The following ADAMTS13 variants were observed in gnomAD, a reference collection of about 807,000 sequenced individuals.
ADAMTS13 encodes A disintegrin and metalloproteinase with thrombospondin motifs 13.
A neutral mutation model predicts 155.1 loss-of-function variants in ADAMTS13; 110 were observed. The observed-to-expected ratio is 0.71, with a 90% CI of 0.61 to 0.83. The LOEUF is 0.83. ADAMTS13 is among the 40% of genes least tolerant of loss of function. The pLI is 0.00. For synonymous variants in ADAMTS13, 758 were observed against 756.4 expected (o/e 1.00, Z -0.03); for missense variants, 1,707 against 1,891.7 (o/e 0.90, Z 1.81).
Position 133,456,069 on chromosome 9 carries a change from G to A in ADAMTS13, c.3401G>A (p.Gly1134Asp), listed in dbSNP as rs1412996218. ...TACCTGTCTCCTGCTCCCTTTTCAG[G>A]TGCCTGTGGCAGGCAGCACCTTGAG... ...GCWAGPCVGQ[G>D]ACGRQHLEPT... Residue 1134 changes from glycine (G) to aspartate (D), a missense_variant and splice_region_variant, in exon 26 of 29, where the codon GGT (glycine) becomes GAT (aspartate). Physicochemically the swap from Gly to Asp is moderately conservative, Grantham distance 94. Around this residue, in one of 3 missense-constraint regions of ADAMTS13, gnomAD observed 961 missense variants for 1,107.9 expected, o/e 0.87. Coordinates refer to ENST00000355699, the MANE Select transcript of ADAMTS13 (RefSeq NM_139027.6). This position sits in a 1 kb window ranked among gnomAD's most constrained non-coding sequence, Gnocchi z 4.4. The A allele has an allele frequency of 1.2e-6, 2 of 1,613,294 alleles. No individual in the cohort carries two copies. Among genetic ancestry groups the A allele is most frequent in the Non-Finnish European group, 8.5e-7 (1 of 1,180,042 alleles).
At chr9:133,438,433 C>T (rs1279991860) in intron 14 of ADAMTS13, 67 bp downstream of exon 14, 4 of 1,601,430 alleles carry the variant, frequency 2.5e-6, no homozygotes, top group East Asian at 2.2e-5. Flanking sequence ...CAGCCCAGAG[C>T]GTTGGTGCAG....
In ADAMTS13 at chr9:133,425,729, C is replaced by T. The variant is rs1193934831; in HGVS notation, c.414+117C>T. 6 of 1,400,212 alleles carry T rather than the reference C, an allele frequency of 4.3e-6. No homozygotes were observed. Among genetic ancestry groups the T allele is most frequent in the South Asian group, 1.2e-5 (1 of 81,050 alleles). The allele number at this position is 1,400,212 out of a possible 1,614,324, so 86.7% of individuals were successfully genotyped here. ...CCCAAGCAGCATGGATCACAGAATG[C>T]ATTCAGCCAGACAGACCAGCTGCCC... is the stretch of plus-strand genomic sequence containing the variant. On this transcript the variant is annotated intron_variant, in intron 4 of 28. Coordinates refer to ENST00000355699, the MANE Select transcript of ADAMTS13 (RefSeq NM_139027.6). This position sits in a 1 kb window ranked among gnomAD's most constrained non-coding sequence, Gnocchi z 4.6.
At chr9:133,427,780 G>A (rs1554785630) in intron 6 of ADAMTS13, among the ~76,000 whole-genome samples, 1 of 150,268 alleles carries the variant, frequency 6.7e-6, no homozygotes, top group Non-Finnish European at 1.5e-5. Context: ...CAAAAGAGCA[G>A]CTCAAAGGCA....
intron 23 of ADAMTS13, among the ~76,000 whole-genome samples, chr9:133,453,010 G>A (rs1054978170): frequency 6.6e-6 from 1 of 152,106 alleles, no homozygotes; most frequent in African/African-American, 2.4e-5. Context: ...CCTGAGCGTC[G>A]GTCCAGAACG....
intron 23 of ADAMTS13, among the ~76,000 whole-genome samples, chr9:133,452,124 T>C (rs1842471529): frequency 6.6e-6 from 1 of 151,720 alleles, no homozygotes; most frequent in South Asian, 2.1e-4. Flanking sequence ...CTTCTCCTTT[T>C]TTTTTTTTGA....
intron 27 of ADAMTS13, chr9:133,457,155 C>T: frequency 3.8e-6 from 1 of 264,082 alleles, no homozygotes; most frequent in Non-Finnish European, 7.6e-6. Flanking sequence ...GCAGAGGATG[C>T]CACCTCAGGG....
In ADAMTS13 at chr9:133,452,655, C is replaced by A. The variant is rs142288153; in HGVS notation, c.3045-1760C>A. Reference sequence around the variant, plus strand: ...CCAGGTAGCCCTGTTCTCTACAGACCACCTCTTGGGCCACTGAGCCTCCCC... The same window carrying A: ...CCAGGTAGCCCTGTTCTCTACAGACAACCTCTTGGGCCACTGAGCCTCCCC... On this transcript the variant is annotated intron_variant, in intron 23 of 28. Coordinates refer to ENST00000355699, the MANE Select transcript of ADAMTS13 (RefSeq NM_139027.6). Among the ~76,000 whole-genome samples the A allele has an allele frequency of 2.4e-3, 368 of 152,196 alleles. 3 individuals carry two copies. Among genetic ancestry groups the A allele is most frequent in the African/African-American group, 8.7e-3 (360 of 41,540 alleles).
upstream of ADAMTS13, among the ~76,000 whole-genome samples, chr9:133,418,650 G>A (rs917657374): frequency 1.4e-4 from 21 of 152,210 alleles, no homozygotes; most frequent in Admixed American, 1.4e-3. Context: ...GTGATCGATT[G>A]AGCAAGCAGG....
At chr9:133,429,894 G>A (rs782276854) in intron 7 of ADAMTS13, 45 bp from the exon 8 acceptor site, 100 of 1,534,278 alleles carry the variant, frequency 6.5e-5, no homozygotes, top group Non-Finnish European at 8.6e-5. Context: ...TCCTCCCGGT[G>A]TACACCCCGG....
rs373389172 is a variant in ADAMTS13 at position 133,434,682 on chromosome 9, T to G, written c.1308+978T>G. Among the ~76,000 whole-genome samples the G allele has an allele frequency of 1.3e-3, 195 of 152,334 alleles. 2 individuals carry two copies. Among genetic ancestry groups the G allele is most frequent in the African/African-American group, 4.7e-3 (194 of 41,572 alleles). The stretch of plus-strand genomic sequence containing the variant: ...TTTTAAAGTGGCAACTCAGTGGCCT[T>G]TAGTACACTCACAAGGTTGGGCAAG... On this transcript the variant is annotated intron_variant, in intron 11 of 28. Transcript: ENST00000355699.
Position 133,425,716 on chromosome 9 carries a change from G to C in ADAMTS13, c.414+104G>C, listed in dbSNP as rs1177931625. ...TTGTCCCGGATGCCCCAAGCAGCAT[G>C]GATCACAGAATGCATTCAGCCAGAC... On this transcript the variant is annotated intron_variant, in intron 4 of 28. Coordinates refer to ENST00000355699, the MANE Select transcript of ADAMTS13 (RefSeq NM_139027.6). This position sits in a 1 kb window ranked among gnomAD's most constrained non-coding sequence, Gnocchi z 4.6. 8 of 1,436,672 alleles carry C rather than the reference G, an allele frequency of 5.6e-6. No individual in the cohort carries two copies. The highest frequency in any genetic ancestry group is 7.7e-6 in the Non-Finnish European group (8 of 1,045,114). 89.0% of individuals were successfully genotyped at this position (1,436,672 alleles called of 1,614,324 possible). A position where few individuals can be genotyped will look rare whatever the true frequency, so the allele number is the denominator to read the frequency against.
At chr9:133,451,294 C>G (rs781853781) in intron 23 of ADAMTS13, among the ~76,000 whole-genome samples, 43 of 152,190 alleles carry the variant, frequency 2.8e-4, no homozygotes, top group Non-Finnish European at 5.3e-4. Context: ...GAGACGGAGT[C>G]TCGCTTTGTT....
At position 133,456,721 on chromosome 9, in the gene ADAMTS13, T is replaced by C; in HGVS notation, c.3724+2T>C. On this transcript the variant is annotated splice_donor_variant, in intron 27 of 28. Coordinates refer to ENST00000355699, the MANE Select transcript of ADAMTS13 (RefSeq NM_139027.6). LOFTEE classifies it high-confidence loss of function. The surrounding 1 kb of genome is among the most constrained non-coding windows in gnomAD (Gnocchi z 4.4). ...TTGCTCCTGAAACCTTCTACAGAGGTATGGCCAGGCCTTCTCCACCTCCCT... is the reference window on the plus strand; with the variant it reads ...TTGCTCCTGAAACCTTCTACAGAGGCATGGCCAGGCCTTCTCCACCTCCCT... The C allele has an allele frequency of 1.3e-6, 2 of 1,558,256 alleles. No individual in the cohort carries two copies. The highest frequency in any genetic ancestry group is 2.4e-5 in the South Asian group (2 of 84,780).
intron 22 of ADAMTS13, 147 bp downstream of exon 22, chr9:133,448,875 C>T: frequency 1.5e-6 from 2 of 1,326,558 alleles, no homozygotes; most frequent in East Asian, 2.6e-5. Context: ...GCCCCATCCC[C>T]CTGCCTCACT....
chr9:133,442,693 G>T lies in ADAMTS13; in HGVS notation c.2184G>T (p.Gln728His), dbSNP rs1841764332. Residue 728 changes from glutamine (Q) to histidine (H), a missense_variant, in exon 18 of 29, where the codon CAG becomes CAT. Physicochemically the swap from Gln to His is conservative, Grantham distance 24. This residue lies in a region of ADAMTS13 where 961 missense variants were observed against 1,107.9 expected (regional missense o/e 0.87). Transcript: ENST00000355699. ...LVETVQCQGS[Q>H]QPPAWPEACV... is the part of the protein sequence containing the mutation. ...AGACTGTCCAGTGCCAAGGGAGCCA[G>T]CAGCCACCAGCGTGGCCAGAGGCCT... The T allele has an allele frequency of 1.2e-6, 2 of 1,613,072 alleles. No homozygotes were observed. The highest frequency in any genetic ancestry group is 2.2e-5 in the East Asian group (1 of 44,892).
At chr9:133,437,594 G>T (rs1326895521) in intron 12 of ADAMTS13, among the ~76,000 whole-genome samples, 155 bp from the exon 13 acceptor site, 2 of 152,218 alleles carry the variant, frequency 1.3e-5, no homozygotes, top group Non-Finnish European at 2.9e-5. Context: ...TATTAGATTA[G>T]ATTAGGATCG....
rs281875290 is a variant in ADAMTS13, at chr9:133,440,373, G to C, written c.1816G>C (p.Ala606Pro). The C allele has an allele frequency of 7.4e-6, 12 of 1,613,854 alleles. No individual in the cohort carries two copies. In the African/African-American group the frequency reaches 9.3e-5, roughly 13 times the overall value. ...GAGGATCGGAGGGCGCTATGTCGTG[G>C]CTGGGAAGATGAGCATCTCCCCTAA... ...AVRIGGRYVVAGKMSISPNTT... is the reference protein window; with the variant it reads ...AVRIGGRYVVPGKMSISPNTT... The change falls in exon 16 of 29, where the codon GCT becomes CCT. Residue 606 changes from alanine to proline, a missense_variant. Ala to Pro is a conservative substitution (Grantham distance 27, BLOSUM62 -1). Around this residue, in one of 3 missense-constraint regions of ADAMTS13, gnomAD observed 961 missense variants for 1,107.9 expected, o/e 0.87. Transcript: ENST00000355699. This position sits in a 1 kb window ranked among gnomAD's most constrained non-coding sequence, Gnocchi z 4.3.
Position 133,456,631 on chromosome 9 carries a change from G to A in ADAMTS13, c.3636G>A (p.Thr1212=), listed in dbSNP as rs782450286. 1.7e-5 allele frequency: 27 copies of A among 1,611,582 alleles called. No homozygotes were observed. The highest frequency in any genetic ancestry group is 3.3e-5 in the Admixed American group (2 of 59,716). The change falls in exon 27 of 29, where the codon ACG becomes ACA. Residue 1212 remains threonine, a synonymous_variant. Transcript: ENST00000355699. The surrounding 1 kb of genome is among the most constrained non-coding windows in gnomAD (Gnocchi z 4.4). ...TGACTTTCAGCTCCAAGACCAACAC[G>A]CTGGTGGTGAGGCAGCGCTGCGGGC... The part of the protein sequence containing the change: ...LDMTFSSKTN[T]LVVRQRCGRP...
intron 19 of ADAMTS13, among the ~76,000 whole-genome samples, chr9:133,444,219 A>T (rs183985913): frequency 6.6e-4 from 101 of 152,032 alleles, no homozygotes; most frequent in African/African-American, 1.8e-3. Context: ...GCTGAAACCC[A>T]TTGGCCACCC....
Sources: allele counts gnomAD v4.1 joint callset (sites outside exome capture counted in the v4.1 genomes callset), GRCh38; gene constraint gnomAD v4.1.1; regional missense constraint gnomAD v4.1.1; non-coding constraint Gnocchi (gnomAD v3.1); transcripts MANE v1.5; gene names NCBI Gene and HGNC (gene_info 2026-07-23, HGNC 2026-07-21).